XXYLT1: variants seen among roughly 807,000 people sequenced by gnomAD.
XXYLT1 encodes xyloside xylosyltransferase 1, also known as UDP-xylose:alpha-xyloside alpha-1,3-xylosyltransferase.
XXYLT1 carries 20 observed loss-of-function variants against 28.9 expected under a neutral mutation model. The ratio of observed to expected loss-of-function variants is 0.69; its 90% CI spans 0.49 to 1.00. The LOEUF is 1.00. Ranked by LOEUF, XXYLT1 falls within the 50% of genes least tolerant of loss-of-function variation. XXYLT1 has a pLI of 0.00. For missense variants in XXYLT1, 542 were observed against 560.1 expected (o/e 0.97, Z 0.33); for synonymous variants, 257 against 253.8 (o/e 1.01, Z -0.12).
chr3:195,140,654 A>T (rs1719437233), intron 3 of XXYLT1, among the ~76,000 whole-genome samples: 1 of 151,942 alleles, frequency 6.6e-6, no homozygotes, highest in Non-Finnish European at 1.5e-5. Context: ...AGAGAGAGTG[A>T]GAGAGAGAGT....
intron 1 of XXYLT1, among the ~76,000 whole-genome samples, chr3:195,243,736 T>C (rs1006758661): frequency 1.3e-5 from 2 of 152,162 alleles, no homozygotes; most frequent in Non-Finnish European, 2.9e-5. Context: ...CTGAATTTGG[T>C]TAGCTTTAAA....
At chr3:195,219,460 G>C (rs953081065) in intron 2 of XXYLT1, among the ~76,000 whole-genome samples, 2 of 152,218 alleles carry the variant, frequency 1.3e-5, no homozygotes, top group Admixed American at 6.5e-5. Flanking sequence ...CACACACACT[G>C]ACCTCAGTGT....
chr3:195,086,818 A>G (rs540052339), intron 3 of XXYLT1, among the ~76,000 whole-genome samples: 1 of 152,170 alleles, frequency 6.6e-6, no homozygotes, highest in South Asian at 2.1e-4. Context: ...GAACGGATGC[A>G]TGTAGGTGAT....
chr3:195,122,730 C>T (rs1176382005), intron 3 of XXYLT1, among the ~76,000 whole-genome samples: 10 of 152,222 alleles, frequency 6.6e-5, no homozygotes, highest in African/African-American at 1.9e-4. Context: ...ATTGACGGCA[C>T]GTAACAAACT....
In XXYLT1 at chr3:195,115,738, G is replaced by A. The variant is rs1577047663; in HGVS notation, c.785+40711C>T. Among the ~76,000 whole-genome samples, 1 of 148,776 alleles carries A rather than the reference G, an allele frequency of 6.7e-6. No individual in the cohort carries two copies. The highest frequency in any genetic ancestry group is 2.5e-5 in the African/African-American group (1 of 40,270). On this transcript the variant is annotated intron_variant, in intron 3 of 3. Transcript: ENST00000310380. The surrounding 1 kb of genome is among the most constrained non-coding windows in gnomAD (Gnocchi z 4.2). Reference sequence around the variant, plus strand: ...TTGAGCTGAGGTGTTCACGTCCGAGGTGGAGGAAGGAGGGCGGCAGGTGCA... The same window carrying A: ...TTGAGCTGAGGTGTTCACGTCCGAGATGGAGGAAGGAGGGCGGCAGGTGCA...
chr3:195,235,789 C>A lies in XXYLT1; in HGVS notation c.505-8933G>T, dbSNP rs371314106. On this transcript the variant is annotated intron_variant, in intron 1 of 3. Transcript: ENST00000310380. ...TGGTTCTTGCAGATTTGTAGATGCACCACCTTGATGGTCTTAGATCACATC... is the reference window on the plus strand; with the variant it reads ...TGGTTCTTGCAGATTTGTAGATGCAACACCTTGATGGTCTTAGATCACATC... Among the ~76,000 whole-genome samples the A allele has an allele frequency of 5.7e-4, 87 of 152,292 alleles. 1 individual carries two copies. Among genetic ancestry groups the A allele is most frequent in the African/African-American group, 2.0e-3 (84 of 41,556 alleles).
intron 2 of XXYLT1, among the ~76,000 whole-genome samples, chr3:195,203,226 C>T (rs925746157): frequency 6.6e-6 from 1 of 152,060 alleles, no homozygotes; most frequent in African/African-American, 2.4e-5. Flanking sequence ...TACAGAGCTC[C>T]TTGAAATTAC....
chr3:195,270,323 G>T, intron 1 of XXYLT1: 1 of 1,008,570 alleles, frequency 9.9e-7, no homozygotes, highest in Non-Finnish European at 1.3e-6. Context: ...AGAGGAAAAC[G>T]AGGCGGTCAT....
At chr3:195,131,087 CCAA>C (rs71793414) in intron 3 of XXYLT1, among the ~76,000 whole-genome samples, 12,872 of 98,482 alleles carry the variant, frequency 0.13, 783 homozygotes, top group East Asian at 0.48. Flanking sequence ...GAAATGGGAC[CCAA>C]ACAGTGTTCT....
At chr3:195,090,163 T>G (rs1716052312) in intron 3 of XXYLT1, among the ~76,000 whole-genome samples, 1 of 151,646 alleles carries the variant, frequency 6.6e-6, no homozygotes, top group Non-Finnish European at 1.5e-5. Flanking sequence ...AACTCAGCTC[T>G]GCACCAAGCG....
rs1016100828 is a variant in XXYLT1 at position 195,270,262 on chromosome 3, T to A, written c.504+293A>T. The stretch of plus-strand genomic sequence containing the variant: ...AAGGCAGTGCTGAACCCTGCAACGT[T>A]AGCAAAATGGGGGCGCGCGGACTCT... On this transcript the variant is annotated intron_variant, in intron 1 of 3. Coordinates refer to ENST00000310380, the MANE Select transcript of XXYLT1 (RefSeq NM_152531.5). The A allele has an allele frequency of 5.1e-6, 3 of 582,958 alleles. No individual in the cohort carries two copies. The African/African-American group carries it at 5.8e-5, about 11-fold the overall frequency. 36.1% of individuals were successfully genotyped at this position (582,958 alleles called of 1,614,324 possible).
intron 2 of XXYLT1, among the ~76,000 whole-genome samples, chr3:195,205,528 G>A (rs1028985018): frequency 6.6e-6 from 1 of 152,194 alleles, no homozygotes; most frequent in East Asian, 1.9e-4. Context: ...CAGCACGAAG[G>A]ATCTTTGTGG....
At chr3:195,193,185 G>T (rs1227809956) in intron 2 of XXYLT1, among the ~76,000 whole-genome samples, 2 of 151,908 alleles carry the variant, frequency 1.3e-5, no homozygotes, top group Non-Finnish European at 2.9e-5. Flanking sequence ...CTACTTGGGA[G>T]GCTGAGGCAA....
Position 195,210,446 on chromosome 3 carries a change from T to C in XXYLT1, c.652+16263A>G, listed in dbSNP as rs12486636. On this transcript the variant is annotated intron_variant, in intron 2 of 3. Transcript: ENST00000310380. The surrounding 1 kb of genome is among the most constrained non-coding windows in gnomAD (Gnocchi z 4.8). Reference sequence around the variant, plus strand: ...GGGTGAGGCGAGGCCCAGAAAAAAGTTGGCTGACGTCCTGGCAAGAAGTAA... The same window carrying C: ...GGGTGAGGCGAGGCCCAGAAAAAAGCTGGCTGACGTCCTGGCAAGAAGTAA... Among the ~76,000 whole-genome samples the C allele has an allele frequency of 0.14, 21,006 of 152,104 alleles. 3,144 individuals carry two copies. Among genetic ancestry groups the C allele is most frequent in the African/African-American group, 0.37 (15,391 of 41,456 alleles).
chr3:195,261,677 T>C (rs1461675164), intron 1 of XXYLT1, among the ~76,000 whole-genome samples: 2 of 150,888 alleles, frequency 1.3e-5, no homozygotes, highest in Non-Finnish European at 3.0e-5. Flanking sequence ...AAGGTAACTG[T>C]TTTTTGGGGT....
intron 1 of XXYLT1, among the ~76,000 whole-genome samples, chr3:195,242,169 C>A (rs928600779): frequency 6.6e-6 from 1 of 152,170 alleles, no homozygotes; most frequent in Non-Finnish European, 1.5e-5. Flanking sequence ...AATGTTGCCC[C>A]GTGGCCCCGC....
At chr3:195,211,985 C>A (rs1723335471) in intron 2 of XXYLT1, among the ~76,000 whole-genome samples, 1 of 146,126 alleles carries the variant, frequency 6.8e-6, no homozygotes, top group African/African-American at 2.6e-5. Context: ...GGAGAGGGGG[C>A]AAGCCACAGA....
At chr3:195,081,087 G>C (rs1052844039) in intron 3 of XXYLT1, among the ~76,000 whole-genome samples, 1 of 152,220 alleles carries the variant, frequency 6.6e-6, no homozygotes, top group Non-Finnish European at 1.5e-5. Flanking sequence ...CCGCCTGCAG[G>C]AGCCTGTCAT....
chr3:195,137,677 C>T (rs1336290295), intron 3 of XXYLT1, among the ~76,000 whole-genome samples: 1 of 152,228 alleles, frequency 6.6e-6, no homozygotes, highest in African/African-American at 2.4e-5. Flanking sequence ...TTTGGCTTCA[C>T]AGCACCAAGG....
Sources: allele counts gnomAD v4.1 joint callset (sites outside exome capture counted in the v4.1 genomes callset), GRCh38; gene constraint gnomAD v4.1.1; non-coding constraint Gnocchi (gnomAD v3.1); transcripts MANE v1.5; gene names NCBI Gene and HGNC (gene_info 2026-07-23, HGNC 2026-07-21).